The following COBLL1 variants were observed in gnomAD, a reference collection of about 807,000 sequenced individuals.
COBLL1 encodes the protein cordon-bleu WH2 repeat protein like 1, also known as cordon-bleu protein-like 1.
COBLL1 carries 50 observed loss-of-function variants against 94.8 expected under a neutral mutation model. The ratio of observed to expected loss-of-function variants is 0.53; its 90% CI spans 0.42 to 0.67. The LOEUF is 0.67. COBLL1 is among the 30% of genes least tolerant of loss of function. COBLL1 has a pLI of 0.00. For missense variants in COBLL1, 1,362 were observed against 1,348.7 expected, an observed-to-expected ratio of 1.01 and a Z score of -0.15; for synonymous variants, 448 against 473.8, an observed-to-expected ratio of 0.95 and a Z score of 0.71.
chr2:164,720,242 G>A (rs1465067306), intron 7 of COBLL1, among the ~76,000 whole-genome samples: 1 of 150,796 alleles, frequency 6.6e-6, no homozygotes, highest in African/African-American at 2.5e-5. Flanking sequence ...TTAGAAAATT[G>A]TATAAAGATG....
chr2:164,795,358 T>C (rs190923628), intron 2 of COBLL1, among the ~76,000 whole-genome samples: 1 of 152,308 alleles, frequency 6.6e-6, no homozygotes, highest in African/African-American at 2.4e-5. Flanking sequence ...GATAAAAATA[T>C]GGAGTTCCCT....
chr2:164,833,193 A>G (rs1683157656), intron 2 of COBLL1, among the ~76,000 whole-genome samples: 1 of 151,926 alleles, frequency 6.6e-6, no homozygotes, highest in African/African-American at 2.4e-5. Flanking sequence ...ATCTCTCCAA[A>G]AAGTACAAAA....
intron 7 of COBLL1, among the ~76,000 whole-genome samples, chr2:164,708,364 G>T (rs1684712404): frequency 6.6e-6 from 1 of 152,118 alleles, no homozygotes; most frequent in Admixed American, 6.5e-5. Context: ...GTAGGCATGG[G>T]GGTGGATTCT....
intron 2 of COBLL1, among the ~76,000 whole-genome samples, chr2:164,809,012 T>C (rs1192962133): frequency 1.3e-5 from 2 of 152,118 alleles, no homozygotes; most frequent in Non-Finnish European, 2.9e-5. Context: ...ACACTTGGAA[T>C]TCATTAATCA....
rs573102070 is a variant in COBLL1 at position 164,730,587 on chromosome 2, T to C, written c.231-472A>G. ...CTACAAGATATTTAAACAGACAAAA[T>C]TGTAATAGTTAAAAAGTCCTGGGAT... is the stretch of plus-strand genomic sequence containing the variant. On this transcript the variant is annotated intron_variant, in intron 3 of 13. Coordinates refer to ENST00000652658, the MANE Select transcript of COBLL1 (RefSeq NM_001365672.2). Among the ~76,000 whole-genome samples the C allele has an allele frequency of 2.1e-4, 32 of 152,216 alleles. 1 individual carries two copies. The South Asian group carries it at 4.1e-3, about 20-fold the overall frequency.
Position 164,703,158 on chromosome 2 carries a change from T to A in COBLL1, c.1225+1286A>T. The A allele has an allele frequency of 1.9e-6, 3 of 1,613,646 alleles. No individual in the cohort carries two copies. In the South Asian group the frequency reaches 3.3e-5, roughly 18 times the overall value. On this transcript the variant is annotated intron_variant, in intron 9 of 13. Coordinates refer to ENST00000652658, the MANE Select transcript of COBLL1 (RefSeq NM_001365672.2). ...GTCCCAGGGCACTCAAAGACAGAGGTTTCCTCCATCAGTTTGGGCGCAGTG... is the reference window on the plus strand; with the variant it reads ...GTCCCAGGGCACTCAAAGACAGAGGATTCCTCCATCAGTTTGGGCGCAGTG...
intron 2 of COBLL1, among the ~76,000 whole-genome samples, chr2:164,804,329 C>G (rs1162830397): frequency 3.3e-5 from 5 of 151,996 alleles, no homozygotes; most frequent in Non-Finnish European, 7.4e-5. Flanking sequence ...AGAATTAACA[C>G]AACTTATAAA....
intron 3 of COBLL1, among the ~76,000 whole-genome samples, chr2:164,733,476 T>C (rs1181591954): frequency 6.6e-6 from 1 of 152,136 alleles, no homozygotes; most frequent in Admixed American, 6.5e-5. Context: ...TCTTTATGAG[T>C]TTATTCTCTC....
intron 2 of COBLL1, among the ~76,000 whole-genome samples, chr2:164,748,334 TCA>T (rs1161968368): frequency 6.6e-6 from 1 of 152,090 alleles, no homozygotes; most frequent in Admixed American, 6.6e-5. Flanking sequence ...TTTTACCTAC[TCA>T]CATTCTCCTA....
intron 2 of COBLL1, chr2:164,779,857 G>T: frequency 4.8e-6 from 2 of 417,006 alleles, no homozygotes; most frequent in Non-Finnish European, 1.0e-5. Context: ...GGAGGGTAGG[G>T]AATGTGCAGG....
Position 164,684,177 on chromosome 2 carries a change from T to C in COBLL1, c.*1769A>G, listed in dbSNP as rs1448411815. On this transcript the variant is annotated 3_prime_UTR_variant, in exon 14 of 14. Transcript: ENST00000652658. ...ATCAGTGAAGAGTATTTTTTTTCCA[T>C]GTTTGTTGGCCTTTTGAATTTCCTC... 2.0e-5 allele frequency: 3 copies of C among 152,108 alleles called. No individual in the cohort carries two copies. Among genetic ancestry groups the C allele is most frequent in the Non-Finnish European group, 4.4e-5 (3 of 67,990 alleles). The allele number at this position is 152,108 out of a possible 1,614,324, so 9.4% of individuals were successfully genotyped here. A position where few individuals can be genotyped will look rare whatever the true frequency, so the allele number is the denominator to read the frequency against.
intron 5 of COBLL1, chr2:164,725,101 G>GATATATACATATATATATATATATATAT (rs1200317070): frequency 2.6e-5 from 2 of 76,298 alleles, no homozygotes; most frequent in African/African-American, 1.1e-4. Flanking sequence ...TACCCTGCAG[G>GATATATACATATATATATATATATATAT]ATATATATAT....
intron 2 of COBLL1, among the ~76,000 whole-genome samples, chr2:164,664,680 G>A (rs750873457): frequency 1.5e-4 from 23 of 151,956 alleles, no homozygotes; most frequent in Non-Finnish European, 2.4e-4. Flanking sequence ...GAGGAAGAAC[G>A]GTTAATTTCT....
chr2:164,812,300 T>G (rs1036891055), intron 2 of COBLL1, among the ~76,000 whole-genome samples: 1 of 151,952 alleles, frequency 6.6e-6, no homozygotes, highest in African/African-American at 2.4e-5. Context: ...ACCACAACAT[T>G]TTAATTGATT....
downstream of COBLL1, among the ~76,000 whole-genome samples, chr2:164,675,600 AT>A (rs1390797398): frequency 6.6e-6 from 1 of 152,226 alleles, no homozygotes; most frequent in Non-Finnish European, 1.5e-5. Flanking sequence ...GATTCCCCAA[AT>A]GAGGACGGGA....
At chr2:164,709,649 T>A (rs1330419318) in intron 7 of COBLL1, among the ~76,000 whole-genome samples, 1 of 152,068 alleles carries the variant, frequency 6.6e-6, no homozygotes, top group Non-Finnish European at 1.5e-5. Flanking sequence ...ACCCGGGAAG[T>A]GGAGGTGCAG....
chr2:164,728,306 A>G (rs1265091068), intron 4 of COBLL1, 109 bp from the exon 5 acceptor site: 3 of 674,088 alleles, frequency 4.5e-6, no homozygotes, highest in Non-Finnish European at 7.6e-6. Flanking sequence ...CAAACAATAA[A>G]CAGTACTTTC....
chr2:164,706,922 T>C (rs1209985054), intron 7 of COBLL1, among the ~76,000 whole-genome samples: 1 of 152,188 alleles, frequency 6.6e-6, no homozygotes, highest in Admixed American at 6.5e-5. Flanking sequence ...AATAGTTCCC[T>C]TTATAAGTCC....
chr2:164,835,090 CAAAA>C (rs939638241), intron 2 of COBLL1, among the ~76,000 whole-genome samples: 1 of 151,600 alleles, frequency 6.6e-6, no homozygotes, highest in Non-Finnish European at 1.5e-5. Context: ...AAAGAACAAA[CAAAA>C]AACAGTATGG....
Sources: gnomAD v4.1 joint callset for allele counts (sites outside exome capture counted in the v4.1 genomes callset) on GRCh38, gnomAD v4.1.1 for gene constraint, MANE v1.5 for transcripts, NCBI Gene and HGNC (gene_info 2026-07-23, HGNC 2026-07-21) for gene names.